CD200R1L: variants seen among roughly 807,000 people sequenced by gnomAD.
CD200R1L encodes CD200 receptor 1 like, also known as cell surface glycoprotein CD200 receptor 2.
In CD200R1L, 14 loss-of-function variants were observed where a neutral mutation model predicts 24.8. That is an observed-to-expected ratio of 0.56 (90% CI 0.37 to 0.88). The LOEUF (loss-of-function observed/expected upper bound fraction) is 0.88, where lower values mean the gene tolerates loss of function less well. CD200R1L is among the 40% of genes least tolerant of loss of function. The probability of loss-of-function intolerance (pLI) is 0.00; values close to 1 mark genes in which losing one functional copy is unlikely to be tolerated. For missense variants in CD200R1L, 299 were observed against 297.8 expected, an observed-to-expected ratio of 1.00 and a Z score of -0.03; for synonymous variants, 111 against 109.2, an observed-to-expected ratio of 1.02 and a Z score of -0.11.
At chr3:112,828,031 A>G (rs752257470) in intron 4 of CD200R1L, among the ~76,000 whole-genome samples, 8 of 152,232 alleles carry the variant, frequency 5.3e-5, no homozygotes, top group Non-Finnish European at 1.0e-4. Flanking sequence ...AACAAAGGCA[A>G]TGTTCTAAAT....
Position 112,827,648 on chromosome 3 carries a change from G to A in CD200R1L, c.86C>T (p.Ala29Val). 2 of 1,613,850 alleles carry A rather than the reference G, an allele frequency of 1.2e-6. No individual in the cohort carries two copies. The highest frequency in any genetic ancestry group is 1.1e-5 in the South Asian group (1 of 91,076). ...ISQPVLMDIN[A>V]VLCCPPIALR... ...TGCGATAGGAGGGCAACAAAGCACA[G>A]CATTTATATCCATCAGTACAGGCTG... Residue 29 changes from alanine to valine, a missense_variant, in exon 5 of 8, where the codon GCT (alanine) becomes GTT (valine). Ala to Val is a moderately conservative substitution (Grantham distance 64, BLOSUM62 0). Coordinates refer to ENST00000488794, the MANE Select transcript of CD200R1L (RefSeq NM_001199215.3).
chr3:112,843,233 A>G (rs1576099900), intron 2 of CD200R1L, among the ~76,000 whole-genome samples: 1 of 152,354 alleles, frequency 6.6e-6, no homozygotes, highest in East Asian at 1.9e-4. Flanking sequence ...AAGATACTAC[A>G]CAAGATGACC....
At chr3:112,817,145 T>C (rs930489000) in intron 7 of CD200R1L, among the ~76,000 whole-genome samples, 6 of 152,228 alleles carry the variant, frequency 3.9e-5, no homozygotes, top group African/African-American at 1.4e-4. Context: ...TGATTCCCAT[T>C]CTATGCCCTG....
intron 3 of CD200R1L, among the ~76,000 whole-genome samples, chr3:112,837,177 C>T (rs983210311): frequency 2.0e-5 from 3 of 151,986 alleles, no homozygotes; most frequent in African/African-American, 7.3e-5. Flanking sequence ...ACAAAATATT[C>T]TTTTATATTT....
At chr3:112,838,653 C>T (rs1230513720) in intron 2 of CD200R1L, among the ~76,000 whole-genome samples, 1 of 151,978 alleles carries the variant, frequency 6.6e-6, no homozygotes, top group Non-Finnish European at 1.5e-5. Context: ...AATGGTCTAC[C>T]TTGGTAAATA....
chr3:112,817,563 G>A (rs1228393564), intron 7 of CD200R1L, among the ~76,000 whole-genome samples: 1 of 152,170 alleles, frequency 6.6e-6, no homozygotes, highest in Non-Finnish European at 1.5e-5. Flanking sequence ...GAAGGGCAGA[G>A]CCATAAGATA....
At chr3:112,845,644 A>C (rs1316993192) in intron 2 of CD200R1L, 35 bp downstream of exon 2, 1 of 1,561,530 alleles carries the variant, frequency 6.4e-7, no homozygotes, top group Non-Finnish European at 8.8e-7. Context: ...AGAAAGCTTT[A>C]TTTTCAGCTG....
intron 6 of CD200R1L, among the ~76,000 whole-genome samples, chr3:112,823,345 G>A (rs1273764591): frequency 1.3e-5 from 2 of 152,218 alleles, no homozygotes; most frequent in Non-Finnish European, 2.9e-5. Context: ...GGAATCATGG[G>A]AACTCTCTGA....
chr3:112,826,805 C>T (rs1938665939), intron 6 of CD200R1L, among the ~76,000 whole-genome samples, 188 bp downstream of exon 6: 1 of 152,150 alleles, frequency 6.6e-6, no homozygotes, highest in Non-Finnish European at 1.5e-5. Context: ...ACTAAGTTAA[C>T]AAAATCTATT....
At chr3:112,826,841 G>C in intron 6 of CD200R1L, 152 bp downstream of exon 6, 2 of 838,966 alleles carry the variant, frequency 2.4e-6, no homozygotes, top group Non-Finnish European at 3.6e-6. Context: ...CTAAAAGACA[G>C]ATTCTAGCGT....
At chr3:112,831,742 A>C (rs1431696934) in intron 3 of CD200R1L, among the ~76,000 whole-genome samples, 2 of 152,204 alleles carry the variant, frequency 1.3e-5, no homozygotes, top group Admixed American at 1.3e-4. Flanking sequence ...ATCCTTTCGT[A>C]GTGCCTTCAG....
chr3:112,819,884 A>G lies in CD200R1L; in HGVS notation c.628T>C (p.Ser210Pro). 6.3e-7 allele frequency: 1 copy of G among 1,597,920 alleles called. No homozygotes were observed. Among genetic ancestry groups the G allele is most frequent in the South Asian group, 1.1e-5 (1 of 87,086 alleles). ...SVKLNSGLRT[S>P]GSPALSLLII... ...AGTAAGGACAACGCTGGAGATCCTG[A>G]GGTTCTGAGACCTTTAAATACAGAC... Residue 210 changes from serine to proline, a missense_variant, in exon 7 of 8, where the codon TCA becomes CCA. By Grantham distance (74) the Ser-to-Pro change is moderately conservative (BLOSUM62 -1). Transcript: ENST00000488794.
chr3:112,845,795 T>A lies in CD200R1L; in HGVS notation c.-203A>T, dbSNP rs1488286993. On this transcript the variant is annotated 5_prime_UTR_variant, in exon 2 of 8. In the 5' UTR this introduces an upstream ATG that the reference lacks. Coordinates refer to ENST00000488794, the MANE Select transcript of CD200R1L (RefSeq NM_001199215.3). Reference sequence around the variant, plus strand: ...ATCCACTTTAAATCAATCAACAGACTTGGTGAATCTGTTTCTCTTGGTCAC... The same window carrying A: ...ATCCACTTTAAATCAATCAACAGACATGGTGAATCTGTTTCTCTTGGTCAC... The A allele has an allele frequency of 8.0e-7, 1 of 1,255,276 alleles. No homozygotes were observed. The highest frequency in any genetic ancestry group is 1.2e-6 in the Non-Finnish European group (1 of 861,762). 77.8% of individuals were successfully genotyped at this position (1,255,276 alleles called of 1,614,324 possible). A position where few individuals can be genotyped will look rare whatever the true frequency, so the allele number is the denominator to read the frequency against.
chr3:112,834,738 G>C (rs896987934), intron 3 of CD200R1L, among the ~76,000 whole-genome samples: 3 of 152,220 alleles, frequency 2.0e-5, no homozygotes, highest in Non-Finnish European at 4.4e-5. Context: ...GGACGAGCCA[G>C]GCACAGACCA....
intron 2 of CD200R1L, among the ~76,000 whole-genome samples, chr3:112,838,248 G>T (rs1939003052): frequency 6.6e-6 from 1 of 151,972 alleles, no homozygotes; most frequent in African/African-American, 2.4e-5. Flanking sequence ...ATGAATAAAT[G>T]ATTCATTCAA....
At chr3:112,840,636 A>G (rs1468075081) in intron 2 of CD200R1L, among the ~76,000 whole-genome samples, 1 of 152,182 alleles carries the variant, frequency 6.6e-6, no homozygotes. Flanking sequence ...AGTGACCTTA[A>G]ACATGGACCA....
At chr3:112,843,319 AG>A (rs1271077303) in intron 2 of CD200R1L, among the ~76,000 whole-genome samples, 1 of 152,190 alleles carries the variant, frequency 6.6e-6, no homozygotes, top group African/African-American at 2.4e-5. Flanking sequence ...GCTGGAGAAA[AG>A]GGCCAGCTCA....
chr3:112,835,066 C>T (rs537400797), intron 3 of CD200R1L, among the ~76,000 whole-genome samples: 3 of 152,190 alleles, frequency 2.0e-5, no homozygotes, highest in South Asian at 2.1e-4. Flanking sequence ...AATCAAGGGG[C>T]GTGTTTCAGC....
At chr3:112,837,596 A>C (rs887187086) in intron 3 of CD200R1L, among the ~76,000 whole-genome samples, 1 of 152,032 alleles carries the variant, frequency 6.6e-6, no homozygotes, top group Non-Finnish European at 1.5e-5. Context: ...TGCAAAAGCC[A>C]CTCTCTGTAA....
Sources: allele counts gnomAD v4.1 joint callset (sites outside exome capture counted in the v4.1 genomes callset), GRCh38; gene constraint gnomAD v4.1.1; transcripts MANE v1.5; gene names NCBI Gene and HGNC (gene_info 2026-07-23, HGNC 2026-07-21).